Variants in POR observed in about 807,000 individuals in gnomAD.
The protein encoded by POR is NADPH--cytochrome P450 reductase.
In POR, 56 loss-of-function variants were observed where a neutral mutation model predicts 84.0. That is an observed-to-expected ratio of 0.67 (90% confidence interval 0.54 to 0.83). The LOEUF is 0.83. POR is among the 40% of genes least tolerant of loss of function. The probability of loss-of-function intolerance (pLI) is 0.00; values close to 1 mark genes in which losing one functional copy is unlikely to be tolerated. For missense variants in POR, 938 were observed against 944.3 expected (o/e 0.99, Z 0.09); for synonymous variants, 414 against 400.5 (o/e 1.03, Z -0.40).
At chr7:75,983,127 G>A (rs1789159190) in intron 8 of POR, among the ~76,000 whole-genome samples, 1 of 152,150 alleles carries the variant, frequency 6.6e-6, no homozygotes, top group Non-Finnish European at 1.5e-5. Context: ...AATCACCTGA[G>A]GTCAGGAGTT....
intron 1 of POR, among the ~76,000 whole-genome samples, chr7:75,916,215 A>G (rs1806561104): frequency 6.6e-6 from 1 of 151,100 alleles, no homozygotes; most frequent in South Asian, 2.1e-4. Flanking sequence ...GGATCAAGAC[A>G]GGGTCCCAGA....
At chr7:75,968,549 A>G (rs1330436642) in intron 2 of POR, among the ~76,000 whole-genome samples, 1 of 152,254 alleles carries the variant, frequency 6.6e-6, no homozygotes, top group African/African-American at 2.4e-5. Flanking sequence ...AAGCCCGTGA[A>G]CTTTGCTTCT....
At chr7:75,942,400 G>A (rs1786960885) in intron 1 of POR, among the ~76,000 whole-genome samples, 1 of 152,052 alleles carries the variant, frequency 6.6e-6, no homozygotes, top group African/African-American at 2.4e-5. Context: ...AAGTTATATT[G>A]GTCAGGGAGC....
chr7:75,985,230 C>T, intron 12 of POR, 23 bp downstream of exon 12: 9 of 1,568,486 alleles, frequency 5.7e-6, no homozygotes, highest in Non-Finnish European at 7.8e-6. Context: ...ACTGCCCTGC[C>T]AGCCACACGC....
intron 2 of POR, among the ~76,000 whole-genome samples, chr7:75,956,829 G>A (rs1331529680): frequency 6.6e-6 from 1 of 151,992 alleles, no homozygotes; most frequent in Non-Finnish European, 1.5e-5. Flanking sequence ...GGGTTCAGGC[G>A]ATTCTCGTGC....
At position 75,981,510 on chromosome 7, in the gene POR, G is replaced by T; in HGVS notation, c.642-7G>T. On this transcript the variant is annotated splice_polypyrimidine_tract_variant and splice_region_variant and intron_variant, in intron 6 of 15. Transcript: ENST00000461988. The stretch of plus-strand genomic sequence containing the variant: ...GAGCCGCTCCCCCTCTCCTCTCCTC[G>T]GCCCAGCTTGGAGGAGGACTTCATC... 1 of 1,610,130 alleles carries T rather than the reference G, an allele frequency of 6.2e-7. No individual in the cohort carries two copies. The highest frequency in any genetic ancestry group is 8.5e-7 in the Non-Finnish European group (1 of 1,178,666).
chr7:75,983,835 A>C lies in POR; in HGVS notation c.1045A>C (p.Met349Leu), dbSNP rs1789227778. ...CCTGGGTGCCGACCTGGACGTCGTC[A>C]TGTCCCTGAACAACCTGGATGGTGA... Residue 349 changes from methionine (M) to leucine (L), a missense_variant, in exon 10 of 16, where the codon ATG (methionine) becomes CTG (leucine). Met to Leu is a conservative substitution (Grantham distance 15). Transcript: ENST00000461988. 1.9e-6 allele frequency: 3 copies of C among 1,609,860 alleles called. No individual in the cohort carries two copies. Among genetic ancestry groups the C allele is most frequent in the African/African-American group, 2.7e-5 (2 of 74,888 alleles).
Position 75,985,640 on chromosome 7 carries a change from G to T in POR, c.1460G>T (p.Arg487Leu), listed in dbSNP as rs574381787. ...GTGGAGTACGAGACCAAGGCTGGCC[G>T]CATCAACAAGGGCGTGGCCACCAAC... is the stretch of plus-strand genomic sequence containing the variant. The change falls in exon 13 of 16, where the codon CGC becomes CTC. Residue 487 changes from arginine (R) to leucine (L), a missense_variant. Coordinates refer to ENST00000461988, the MANE Select transcript of POR (RefSeq NM_000941.3). The T allele has an allele frequency of 1.3e-6, 2 of 1,592,446 alleles. No homozygotes were observed. The highest frequency in any genetic ancestry group is 2.7e-5 in the African/African-American group (2 of 74,702).
chr7:75,975,602 T>C (rs1788645657), intron 3 of POR, among the ~76,000 whole-genome samples: 1 of 152,132 alleles, frequency 6.6e-6, no homozygotes, highest in Admixed American at 6.6e-5. Context: ...GACTCAAACC[T>C]GGGCAACAGC....
intron 1 of POR, among the ~76,000 whole-genome samples, chr7:75,920,114 G>A (rs1806781236): frequency 7.7e-6 from 1 of 130,142 alleles, no homozygotes; most frequent in African/African-American, 3.1e-5. Flanking sequence ...CGCCTAGGCT[G>A]GAGTGCAGTG....
At position 75,957,901 on chromosome 7, in the gene POR, G is replaced by A. The variant is rs41296473; in HGVS notation, c.188+3721G>A. 2.0e-5 allele frequency among the ~76,000 whole-genome samples: 3 copies of A among 152,310 alleles called. No individual in the cohort carries two copies. The East Asian group carries it at 5.8e-4, about 29-fold the overall frequency. ...GTACCATGGCTACATTCTGGACCCT[G>A]AAGTTGGGTGCTCAAGGTTGAGTAC... On this transcript the variant is annotated intron_variant, in intron 2 of 15. Coordinates refer to ENST00000461988, the MANE Select transcript of POR (RefSeq NM_000941.3).
At chr7:75,973,023 A>G (rs550681791) in intron 3 of POR, among the ~76,000 whole-genome samples, 2 of 152,012 alleles carry the variant, frequency 1.3e-5, no homozygotes, top group African/African-American at 4.8e-5. Flanking sequence ...GGATTTCACC[A>G]TGTTGGCCAG....
At chr7:75,954,232 C>T in intron 2 of POR, 52 bp downstream of exon 2, 1 of 1,516,824 alleles carries the variant, frequency 6.6e-7, no homozygotes, top group Non-Finnish European at 9.0e-7. Context: ...GTCACCACTC[C>T]AAGCAGTGTC....
intron 1 of POR, chr7:75,943,775 C>T (rs966819760): frequency 2.2e-6 from 1 of 463,426 alleles, no homozygotes; most frequent in Non-Finnish European, 4.2e-6. Flanking sequence ...CATCAAGAGC[C>T]AAGGAATTGC....
At position 75,986,617 on chromosome 7, in the gene POR, TG is replaced by T; in HGVS notation, c.*140del. 2.6e-6 allele frequency: 3 copies of T among 1,141,592 alleles called. No individual in the cohort carries two copies. The highest frequency in any genetic ancestry group is 3.7e-6 in the Non-Finnish European group (3 of 816,578). 70.7% of individuals were successfully genotyped at this position (1,141,592 alleles called of 1,614,324 possible). Reference sequence around the variant, plus strand: ...CCAGTGACAAAGACTCCTCTGGGCCTGGGGTGCATCCTCCTCAGCCCCCAGG... The same window carrying T: ...CCAGTGACAAAGACTCCTCTGGGCCTGGGTGCATCCTCCTCAGCCCCCAGG... On this transcript the variant is annotated 3_prime_UTR_variant, in exon 16 of 16. Transcript: ENST00000461988.
intron 3 of POR, among the ~76,000 whole-genome samples, chr7:75,976,060 C>T (rs782305352): frequency 2.0e-5 from 3 of 151,886 alleles, no homozygotes; most frequent in African/African-American, 4.8e-5. Context: ...TTTCCATTGG[C>T]GTGAGTCCTT....
intron 2 of POR, among the ~76,000 whole-genome samples, chr7:75,958,085 A>G (rs782081255): frequency 2.0e-5 from 3 of 152,160 alleles, no homozygotes; most frequent in Non-Finnish European, 2.9e-5. Context: ...TTCCTGGTGC[A>G]TAGTAGGCTC....
chr7:75,958,309 C>T (rs1378030174), intron 2 of POR, among the ~76,000 whole-genome samples: 1 of 151,968 alleles, frequency 6.6e-6, no homozygotes, highest in Non-Finnish European at 1.5e-5. Flanking sequence ...TACAAATGGA[C>T]ATCTAACAAT....
intron 2 of POR, among the ~76,000 whole-genome samples, chr7:75,956,887 G>C (rs1467306616): frequency 6.6e-6 from 1 of 152,068 alleles, no homozygotes; most frequent in African/African-American, 2.4e-5. Context: ...TACCACGCCT[G>C]GCTAATTTTT....
Sources: allele counts gnomAD v4.1 joint callset (sites outside exome capture counted in the v4.1 genomes callset), GRCh38; gene constraint gnomAD v4.1.1; transcripts MANE v1.5; gene names NCBI Gene and HGNC (gene_info 2026-07-23, HGNC 2026-07-21).